Variants in EIF2A observed in about 807,000 individuals in gnomAD.
The protein encoded by EIF2A is eukaryotic translation initiation factor 2A.
EIF2A carries 62 observed loss-of-function variants against 75.2 expected under a neutral mutation model. That is an observed-to-expected ratio of 0.82 (90% CI 0.67 to 1.02). The LOEUF is 1.02. Among genes scored for constraint, EIF2A ranks in the 50% least tolerant of loss-of-function variants. The probability of loss-of-function intolerance (pLI) is 0.00; values close to 1 mark genes in which losing one functional copy is unlikely to be tolerated. For missense variants in EIF2A, 611 were observed against 677.7 expected (o/e 0.90, Z 1.09); for synonymous variants, 207 against 239.0 (o/e 0.87, Z 1.23).
chr3:150,563,161 T>C (rs538569980), intron 4 of EIF2A, among the ~76,000 whole-genome samples: 47 of 152,308 alleles, frequency 3.1e-4, no homozygotes, highest in Admixed American at 2.2e-3. Context: ...AAAATAGTTA[T>C]AGGGGCTTAT....
At chr3:150,580,820 T>C (rs532460411) in intron 11 of EIF2A, among the ~76,000 whole-genome samples, 58 of 152,292 alleles carry the variant, frequency 3.8e-4, no homozygotes, top group African/African-American at 1.3e-3. Flanking sequence ...ACACAGCTAC[T>C]AGTGAAAAAT....
At position 150,564,214 on chromosome 3, in the gene EIF2A, T is replaced by A. The variant is rs567628711; in HGVS notation, c.393-85T>A. On this transcript the variant is annotated intron_variant, in intron 5 of 13. Transcript: ENST00000460851. ...GTGTTTTTCCTTAAATGGTAACCAATATCATAAATTACTTTAACATGTTAA... is the reference window on the plus strand; with the variant it reads ...GTGTTTTTCCTTAAATGGTAACCAAAATCATAAATTACTTTAACATGTTAA... 1.4e-4 allele frequency: 144 copies of A among 993,380 alleles called. 1 individual carries two copies. The highest frequency in any genetic ancestry group is 1.8e-4 in the Non-Finnish European group (128 of 692,130). 61.5% of individuals were successfully genotyped at this position (993,380 alleles called of 1,614,324 possible).
At position 150,564,387 on chromosome 3, in the gene EIF2A, G is replaced by A; in HGVS notation, c.475+6G>A. On this transcript the variant is annotated splice_donor_region_variant and intron_variant, in intron 6 of 13. Coordinates refer to ENST00000460851, the MANE Select transcript of EIF2A (RefSeq NM_032025.5). ...CTTTGAAAACAACAATTTTAGTATG[G>A]AAAGATTTATGACATAATTTTATTA... 6.3e-7 allele frequency: 1 copy of A among 1,577,674 alleles called. No homozygotes were observed. The highest frequency in any genetic ancestry group is 8.6e-7 in the Non-Finnish European group (1 of 1,163,872).
At chr3:150,557,312 T>C (rs1179828529) in intron 2 of EIF2A, among the ~76,000 whole-genome samples, 1 of 152,192 alleles carries the variant, frequency 6.6e-6, no homozygotes, top group Non-Finnish European at 1.5e-5. Context: ...ATTGTAAAAT[T>C]CTGCCGTAAG....
At chr3:150,555,220 T>G (rs1375610307) in intron 2 of EIF2A, among the ~76,000 whole-genome samples, 1 of 146,934 alleles carries the variant, frequency 6.8e-6, no homozygotes, top group Non-Finnish European at 1.5e-5. Context: ...TCAGCCACCA[T>G]GCCTGGCCTG....
intron 9 of EIF2A, among the ~76,000 whole-genome samples, chr3:150,568,563 AACTT>A (rs754973227): frequency 7.2e-5 from 11 of 152,152 alleles, no homozygotes; most frequent in Non-Finnish European, 1.3e-4. Context: ...GCTCTTTTGG[AACTT>A]ACTTAGCTAA....
intron 12 of EIF2A, among the ~76,000 whole-genome samples, chr3:150,582,515 C>T (rs561275162): frequency 6.6e-6 from 1 of 152,064 alleles, no homozygotes; most frequent in Non-Finnish European, 1.5e-5. Context: ...GGGGTTTCAC[C>T]GTGTTAGCCA....
chr3:150,572,612 C>A (rs906796445), intron 10 of EIF2A, 83 bp downstream of exon 10: 1 of 1,355,206 alleles, frequency 7.4e-7, no homozygotes, highest in Non-Finnish European at 1.0e-6. Context: ...CCCAGCACTT[C>A]GGGAGGCCGA....
rs771020114 is a variant in EIF2A, at chr3:150,583,870, G to A, written c.1717G>A (p.Ala573Thr). ...NQLEKIQKETALLQELEDLEL... is the reference protein window; with the variant it reads ...NQLEKIQKETTLLQELEDLEL... ...GTTGGAGAAAATTCAGAAAGAAACAGCCCTTCTCCAGGAGCTGGAAGATTT... is the reference window on the plus strand; with the variant it reads ...GTTGGAGAAAATTCAGAAAGAAACAACCCTTCTCCAGGAGCTGGAAGATTT... Residue 573 changes from alanine to threonine, a missense_variant, in exon 14 of 14, where the codon GCC (alanine) becomes ACC (threonine). Physicochemically the swap from Ala to Thr is moderately conservative, Grantham distance 58. Coordinates refer to ENST00000460851, the MANE Select transcript of EIF2A (RefSeq NM_032025.5). 28 of 1,613,400 alleles carry A rather than the reference G, an allele frequency of 1.7e-5. 1 individual carries two copies. In the Middle Eastern group the frequency reaches 4.9e-4, roughly 28 times the overall value.
chr3:150,565,169 T>G (rs1576595959), intron 6 of EIF2A: 1 of 456,644 alleles, frequency 2.2e-6, no homozygotes. Context: ...AACATGTTCA[T>G]CTGTCCCCTA....
At chr3:150,583,100 ATAAT>A (rs144161311) in intron 12 of EIF2A, 96 bp from the exon 13 acceptor site, 28,033 of 983,722 alleles carry the variant, frequency 0.028, 469 homozygotes, top group Non-Finnish European at 0.034. Flanking sequence ...CAAATCTAAG[ATAAT>A]TAATCTCCTT....
rs778356182 is a variant in EIF2A at position 150,581,687 on chromosome 3, GTC to G, written c.1572_1573del (p.Gln525ValfsTer7). 6.4e-7 allele frequency: 1 copy of G among 1,553,630 alleles called. No individual in the cohort carries two copies. Among genetic ancestry groups the G allele is most frequent in the Non-Finnish European group, 8.7e-7 (1 of 1,147,964 alleles). The stretch of plus-strand genomic sequence containing the variant: ...CCCACAGAGCACACCACGAAACACT[GTC>G]TCTCAGTCAATTTCTGGGGACCCTG... ...PAPQSTPRNT[V>X]SQSISGDPEI... On this transcript the variant is annotated frameshift_variant, in exon 12 of 14. Coordinates refer to ENST00000460851, the MANE Select transcript of EIF2A (RefSeq NM_032025.5). LOFTEE classifies it high-confidence loss of function.
chr3:150,554,555 G>A (rs776022422), intron 2 of EIF2A, among the ~76,000 whole-genome samples: 4 of 152,084 alleles, frequency 2.6e-5, no homozygotes, highest in African/African-American at 9.7e-5. Flanking sequence ...CCAAATGTTC[G>A]GATTCATTAG....
intron 3 of EIF2A, among the ~76,000 whole-genome samples, chr3:150,560,923 A>C (rs1440849750): frequency 6.6e-6 from 1 of 152,138 alleles, no homozygotes; most frequent in Non-Finnish European, 1.5e-5. Context: ...GTAAGGATTA[A>C]ATGAGAAAAT....
At chr3:150,551,696 C>T (rs965447154) in intron 1 of EIF2A, among the ~76,000 whole-genome samples, 9 of 152,096 alleles carry the variant, frequency 5.9e-5, no homozygotes, top group African/African-American at 2.2e-4. Context: ...CCACTGTACT[C>T]CAGCCTGGGT....
chr3:150,574,675 T>C (rs1016413126), intron 10 of EIF2A, among the ~76,000 whole-genome samples: 1 of 152,268 alleles, frequency 6.6e-6, no homozygotes, highest in African/African-American at 2.4e-5. Context: ...CTGAAATAGT[T>C]AATGCATTTG....
rs1459684567 is a variant in EIF2A, at chr3:150,552,426, G to A, written c.98+1G>A. ...TTACAGAAAGCACAGTGTTTCCAAG[G>A]TATGATTTATTTTGTTAAGTAATGT... On this transcript the variant is annotated splice_donor_variant, in intron 2 of 13. Transcript: ENST00000460851. LOFTEE classifies it high-confidence loss of function. 2.6e-6 allele frequency: 4 copies of A among 1,551,652 alleles called. No individual in the cohort carries two copies. Among genetic ancestry groups the A allele is most frequent in the Non-Finnish European group, 3.5e-6 (4 of 1,146,784 alleles).
At chr3:150,569,417 C>T (rs1276396021) in intron 9 of EIF2A, among the ~76,000 whole-genome samples, 1 of 105,034 alleles carries the variant, frequency 9.5e-6, no homozygotes, top group African/African-American at 3.2e-5. Flanking sequence ...TAAATGCTAA[C>T]TGATTTTTTT....
chr3:150,573,840 T>A (rs1002198583), intron 10 of EIF2A, among the ~76,000 whole-genome samples: 3 of 152,132 alleles, frequency 2.0e-5, no homozygotes. Context: ...AAAAAGTTTT[T>A]TATAAGTAAA....
Sources: gnomAD v4.1 joint callset for allele counts (sites outside exome capture counted in the v4.1 genomes callset) on GRCh38, gnomAD v4.1.1 for gene constraint, MANE v1.5 for transcripts, NCBI Gene and HGNC (gene_info 2026-07-23, HGNC 2026-07-21) for gene names.